The following CDH2 variants were observed in gnomAD, a reference collection of about 807,000 sequenced individuals.
CDH2 encodes the protein cadherin-2.
Under a neutral mutation model 92.0 loss-of-function variants are expected in CDH2, and 17 were observed. That is an observed-to-expected ratio of 0.18 (90% CI 0.13 to 0.28). CDH2 has a LOEUF of 0.28. Among genes scored for constraint, CDH2 ranks in the 10% least tolerant of loss-of-function variants. CDH2 has a pLI of 1.00. For synonymous variants in CDH2, 419 were observed against 415.9 expected (o/e 1.01, Z -0.09); for missense variants, 862 against 1,133.1 (o/e 0.76, Z 3.44).
intron 2 of CDH2, among the ~76,000 whole-genome samples, chr18:28,023,329 T>C (rs1011171551): frequency 1.3e-5 from 2 of 152,140 alleles, no homozygotes; most frequent in Admixed American, 1.3e-4. Flanking sequence ...TATGAATTAT[T>C]TTATTTCATT....
chr18:28,150,271 G>A (rs1012763913), intron 1 of CDH2, among the ~76,000 whole-genome samples: 1 of 152,214 alleles, frequency 6.6e-6, no homozygotes, highest in African/African-American at 2.4e-5. Flanking sequence ...TGGAAGGCAC[G>A]GAGCAGACGG....
intron 1 of CDH2, among the ~76,000 whole-genome samples, chr18:28,150,800 A>C (rs2016109307): frequency 6.6e-6 from 1 of 152,218 alleles, no homozygotes; most frequent in African/African-American, 2.4e-5. Flanking sequence ...CTTAAGACAA[A>C]ACGGATCCAC....
chr18:28,027,846 G>C lies in CDH2; in HGVS notation c.173-13937C>G, dbSNP rs202003603. On this transcript the variant is annotated intron_variant, in intron 2 of 15. Transcript: ENST00000269141. ...ATCAGTGCTTAGGCAGTTTTGTTTTGTTTTTTTTTTTTGCAGAATGTACCC... is the reference window on the plus strand; with the variant it reads ...ATCAGTGCTTAGGCAGTTTTGTTTTCTTTTTTTTTTTTGCAGAATGTACCC... Among the ~76,000 whole-genome samples, 20 of 144,068 alleles carry C rather than the reference G, an allele frequency of 1.4e-4. No individual in the cohort carries two copies. The East Asian group carries it at 4.1e-3, about 30-fold the overall frequency. 94.5% of individuals were successfully genotyped at this position (144,068 alleles called of 152,430 possible). A position where few individuals can be genotyped will look rare whatever the true frequency, so the allele number is the denominator to read the frequency against.
At chr18:28,065,207 G>C (rs1290471538) in intron 2 of CDH2, among the ~76,000 whole-genome samples, 2 of 152,012 alleles carry the variant, frequency 1.3e-5, no homozygotes, top group Non-Finnish European at 2.9e-5. Flanking sequence ...ATTCACCAAG[G>C]GTTTTTATCC....
chr18:28,033,929 T>C (rs1277546626), intron 2 of CDH2, among the ~76,000 whole-genome samples: 3 of 152,072 alleles, frequency 2.0e-5, no homozygotes, highest in Non-Finnish European at 4.4e-5. Flanking sequence ...ATGGTAGTCT[T>C]ATGTATTTTA....
intron 12 of CDH2, 30 bp from the exon 13 acceptor site, chr18:27,985,263 T>C (rs2012192675): frequency 1.0e-5 from 13 of 1,254,738 alleles, no homozygotes; most frequent in Non-Finnish European, 1.4e-5. Flanking sequence ...CATAGTTTGA[T>C]AGGTAATACT....
At chr18:27,974,629 C>A (rs755854006) in intron 14 of CDH2, among the ~76,000 whole-genome samples, 10 of 152,168 alleles carry the variant, frequency 6.6e-5, no homozygotes, top group Non-Finnish European at 1.5e-4. Context: ...ACTAAAGTCA[C>A]ATGCTGAACC....
intron 6 of CDH2, among the ~76,000 whole-genome samples, chr18:27,944,104 A>C (rs1343729736): frequency 6.6e-6 from 1 of 152,218 alleles, no homozygotes; most frequent in Non-Finnish European, 1.5e-5. Context: ...TTCTCATTCA[A>C]TGTTTTGCTG....
At chr18:28,101,110 C>G (rs2015219033) in intron 2 of CDH2, among the ~76,000 whole-genome samples, 3 of 152,190 alleles carry the variant, frequency 2.0e-5, no homozygotes, top group Admixed American at 2.0e-4. Flanking sequence ...ATGATTTAAA[C>G]ACGTAAAACA....
intron 2 of CDH2, among the ~76,000 whole-genome samples, chr18:28,115,757 T>G (rs79351561): frequency 1.3e-3 from 192 of 152,248 alleles, no homozygotes; most frequent in Middle Eastern, 3.4e-3. Context: ...TTACGACACT[T>G]TTTTTTAAGT....
chr18:28,119,318 C>A (rs544890080), intron 2 of CDH2, among the ~76,000 whole-genome samples: 4 of 152,142 alleles, frequency 2.6e-5, no homozygotes, highest in Admixed American at 2.6e-4. Flanking sequence ...GGCAAAGGAC[C>A]ACCATATGGG....
chr18:28,126,140 A>T (rs1306981242), intron 2 of CDH2, among the ~76,000 whole-genome samples: 5 of 152,216 alleles, frequency 3.3e-5, no homozygotes, highest in Non-Finnish European at 7.3e-5. Context: ...ATGCTTTAAA[A>T]TCAAATGTTA....
intron 2 of CDH2, among the ~76,000 whole-genome samples, chr18:28,132,169 T>C (rs1254228624): frequency 4.6e-5 from 7 of 152,224 alleles, no homozygotes; most frequent in Non-Finnish European, 8.8e-5. Flanking sequence ...AGTTATGCAG[T>C]CTGCGCTCAC....
intron 2 of CDH2, among the ~76,000 whole-genome samples, chr18:28,096,113 T>C (rs1218376300): frequency 6.6e-6 from 1 of 152,182 alleles, no homozygotes; most frequent in Non-Finnish European, 1.5e-5. Context: ...TATGAGGTGC[T>C]ATTCCCTCAA....
Position 27,983,456 on chromosome 18 carries a change from C to T in CDH2, c.2210-373G>A, listed in dbSNP as rs17522243. On this transcript the variant is annotated intron_variant, in intron 13 of 15. Transcript: ENST00000269141. ...TGTAAATTCTAGAGACACAAAACAG[C>T]AGTAAGGTGTTACTTGCTGTGTTAT... 8.0e-3 allele frequency among the ~76,000 whole-genome samples: 1,226 copies of T among 152,310 alleles called. 16 individuals are homozygous for T. Among genetic ancestry groups the T allele is most frequent in the African/African-American group, 0.028 (1,159 of 41,554 alleles).
intron 2 of CDH2, among the ~76,000 whole-genome samples, chr18:28,015,568 C>A (rs72882657): frequency 2.0e-5 from 3 of 152,194 alleles, no homozygotes; most frequent in Non-Finnish European, 2.9e-5. Context: ...AGACTTTTGC[C>A]ATATTTTTGT....
chr18:28,083,361 A>G (rs189109937), intron 2 of CDH2, among the ~76,000 whole-genome samples: 27 of 152,336 alleles, frequency 1.8e-4, no homozygotes, highest in African/African-American at 6.0e-4. Flanking sequence ...ATGGATAGCT[A>G]GACTGATCAT....
intron 2 of CDH2, among the ~76,000 whole-genome samples, chr18:28,024,143 G>A (rs900938246): frequency 1.3e-5 from 2 of 152,154 alleles, no homozygotes; most frequent in Admixed American, 6.5e-5. Flanking sequence ...CCACAAAAAT[G>A]TGTCATGCAA....
At chr18:27,942,116 A>C (rs1482821648) in intron 6 of CDH2, among the ~76,000 whole-genome samples, 1 of 152,222 alleles carries the variant, frequency 6.6e-6, no homozygotes, top group Non-Finnish European at 1.5e-5. Flanking sequence ...AGGTAGGATA[A>C]ACTCTCTTAC....
Sources: allele counts gnomAD v4.1 joint callset (sites outside exome capture counted in the v4.1 genomes callset), GRCh38; gene constraint gnomAD v4.1.1; transcripts MANE v1.5; gene names NCBI Gene and HGNC (gene_info 2026-07-23, HGNC 2026-07-21).